Variants in CASK observed in about 807,000 individuals in gnomAD.
CASK encodes calcium/calmodulin dependent serine protein kinase, also known as peripheral plasma membrane protein CASK.
Under a neutral mutation model 82.9 loss-of-function variants are expected in CASK, and 4 were observed. The ratio of observed to expected loss-of-function variants is 0.05; its 90% CI spans 0.02 to 0.11. The LOEUF (loss-of-function observed/expected upper bound fraction) is 0.11, where lower values mean the gene tolerates loss of function less well. Among genes scored for constraint, CASK ranks in the 10% least tolerant of loss-of-function variants. The pLI is 1.00. For synonymous variants in CASK, 259 were observed against 253.5 expected (o/e 1.02, Z -0.20); for missense variants, 358 against 720.9 (o/e 0.50, Z 5.76).
At chrX:41,757,971 C>T (rs777325960) in intron 3 of CASK, among the ~76,000 whole-genome samples, 41 of 112,383 alleles carry the variant, frequency 3.6e-4, no homozygotes, top group African/African-American at 1.2e-3. Context: ...GAGTCATGTA[C>T]GCATAATCTT....
At chrX:41,782,083 T>C (rs953964709) in intron 3 of CASK, among the ~76,000 whole-genome samples, 3 of 111,453 alleles carry the variant, frequency 2.7e-5, no homozygotes, top group Non-Finnish European at 3.8e-5. Flanking sequence ...AATAATAATA[T>C]GATCATTTAA....
intron 5 of CASK, among the ~76,000 whole-genome samples, chrX:41,730,295 T>G (rs1043517128): frequency 4.5e-5 from 5 of 111,532 alleles, no homozygotes; most frequent in Non-Finnish European, 9.4e-5. Flanking sequence ...CAATTCACAG[T>G]ACATTGCCCA....
At chrX:41,734,392 A>C (rs1366334265) in intron 5 of CASK, among the ~76,000 whole-genome samples, 3 of 111,566 alleles carry the variant, frequency 2.7e-5, no homozygotes, top group Non-Finnish European at 5.6e-5. Context: ...CCATGAAAGA[A>C]GGCAAAGAGC....
chrX:41,855,284 C>T (rs951961834), intron 1 of CASK, among the ~76,000 whole-genome samples: 4 of 111,297 alleles, frequency 3.6e-5, no homozygotes, highest in African/African-American at 1.3e-4. Context: ...TTTTATAGTA[C>T]GAGGCAAAGA....
chrX:41,900,606 T>TC (rs2072353633), intron 1 of CASK, among the ~76,000 whole-genome samples: 1 of 108,224 alleles, frequency 9.2e-6, no homozygotes, highest in Non-Finnish European at 1.9e-5. Flanking sequence ...GTTCTTTTTT[T>TC]TTTTTTTTTT....
At chrX:41,630,245 A>G (rs1022787104) in intron 9 of CASK, among the ~76,000 whole-genome samples, 5 of 112,075 alleles carry the variant, frequency 4.5e-5, no homozygotes, top group Non-Finnish European at 9.4e-5. Context: ...TCTGTGTGGC[A>G]TTTAAGGAAG....
intron 1 of CASK, among the ~76,000 whole-genome samples, chrX:41,874,839 TAA>T (rs745491859): frequency 2.1e-4 from 24 of 112,444 alleles, no homozygotes; most frequent in African/African-American, 7.1e-4. Flanking sequence ...CATCAGAAAA[TAA>T]AGACAGTTGT....
intron 1 of CASK, among the ~76,000 whole-genome samples, chrX:41,872,598 A>G (rs972293935): frequency 8.9e-6 from 1 of 112,328 alleles, no homozygotes; most frequent in African/African-American, 3.2e-5. Flanking sequence ...AAGATAGTAC[A>G]GAGACTTCCA....
At chrX:41,735,679 G>A (rs915715538) in intron 5 of CASK, among the ~76,000 whole-genome samples, 9 of 109,358 alleles carry the variant, frequency 8.2e-5, no homozygotes, top group African/African-American at 3.0e-4. Flanking sequence ...CAGCCACACC[G>A]GCCTCCTTGC....
rs766395694 is a variant in CASK at position 41,786,574 on chromosome X, C to G, written c.278+604G>C. Among the ~76,000 whole-genome samples, 17 of 110,052 alleles carry G rather than the reference C, an allele frequency of 1.5e-4. No individual in the cohort carries two copies. In the East Asian group the frequency reaches 4.9e-3, roughly 32 times the overall value. On this transcript the variant is annotated intron_variant, in intron 3 of 26. Transcript: ENST00000378163. ...AACAGAATAGGATCAAAGATAAAAC[C>G]CTGTAGGATGCTGTCCTATAAAGCT...
At chrX:41,692,966 C>T (rs1169148146) in intron 5 of CASK, among the ~76,000 whole-genome samples, 3 of 111,919 alleles carry the variant, frequency 2.7e-5, no homozygotes, top group East Asian at 2.8e-4. Context: ...TACTAAATTC[C>T]CTCTTTGATT....
chrX:41,617,984 T>C (rs1394271734), intron 11 of CASK, among the ~76,000 whole-genome samples: 2 of 112,238 alleles, frequency 1.8e-5, no homozygotes, highest in Non-Finnish European at 3.8e-5. Context: ...CAGAGGGCAG[T>C]TGATTTAACG....
At chrX:41,914,574 A>G (rs764361677) in intron 1 of CASK, among the ~76,000 whole-genome samples, 1 of 112,467 alleles carries the variant, frequency 8.9e-6, no homozygotes, top group Non-Finnish European at 1.9e-5. Context: ...GTGGACAAAA[A>G]TCCTTGAGGC....
chrX:41,810,833 G>A (rs1448759068), intron 2 of CASK, among the ~76,000 whole-genome samples: 6 of 111,569 alleles, frequency 5.4e-5, no homozygotes, highest in Non-Finnish European at 7.5e-5. Context: ...GTATTCAGGA[G>A]ACACATCTCA....
chrX:41,649,146 T>C (rs1306306996), intron 8 of CASK, among the ~76,000 whole-genome samples: 6 of 111,744 alleles, frequency 5.4e-5, no homozygotes, highest in Non-Finnish European at 1.1e-4. Context: ...CTTCTCTCTT[T>C]TCTTATTAGT....
intron 1 of CASK, among the ~76,000 whole-genome samples, chrX:41,860,616 C>T (rs904785280): frequency 6.3e-5 from 7 of 111,701 alleles, no homozygotes; most frequent in East Asian, 2.8e-4. Flanking sequence ...ATGATTATCG[C>T]GGTAATCAAT....
At chrX:41,860,927 A>T (rs1243762137) in intron 1 of CASK, among the ~76,000 whole-genome samples, 3 of 112,304 alleles carry the variant, frequency 2.7e-5, no homozygotes, top group Non-Finnish European at 3.8e-5. Context: ...GGTTTATTTG[A>T]AACAGCTAGC....
chrX:41,843,031 G>C (rs760390010), intron 2 of CASK, among the ~76,000 whole-genome samples: 2 of 111,367 alleles, frequency 1.8e-5, no homozygotes. Flanking sequence ...CTGCAACCTT[G>C]CTAAGCTCAC....
At chrX:41,553,361 A>T (rs1369880543) in intron 21 of CASK, among the ~76,000 whole-genome samples, 1 of 111,767 alleles carries the variant, frequency 8.9e-6, no homozygotes, top group Non-Finnish European at 1.9e-5. Flanking sequence ...GCATGAAAGC[A>T]TGTAGAAGGG....
Sources: gnomAD v4.1 joint callset for allele counts (sites outside exome capture counted in the v4.1 genomes callset) on GRCh38, gnomAD v4.1.1 for gene constraint, MANE v1.5 for transcripts, NCBI Gene and HGNC (gene_info 2026-07-23, HGNC 2026-07-21) for gene names.